The following PCCB variants were observed in gnomAD, a reference collection of about 807,000 sequenced individuals.
PCCB encodes the protein propionyl-CoA carboxylase subunit beta.
A neutral mutation model predicts 60.7 loss-of-function variants in PCCB; 43 were observed. That is an observed-to-expected ratio of 0.71 (90% confidence interval 0.55 to 0.91). The LOEUF (loss-of-function observed/expected upper bound fraction) is 0.91, where lower values mean the gene tolerates loss of function less well. Among genes scored for constraint, PCCB ranks in the 40% least tolerant of loss-of-function variants. The probability of loss-of-function intolerance (pLI) is 0.00; values close to 1 mark genes in which losing one functional copy is unlikely to be tolerated. For synonymous variants in PCCB, 276 were observed against 255.9 expected (o/e 1.08, Z -0.75); for missense variants, 766 against 702.8 (o/e 1.09, Z -1.02).
intron 5 of PCCB, among the ~76,000 whole-genome samples, chr3:136,273,806 T>G (rs2689386): frequency 1.4e-5 from 2 of 145,368 alleles, no homozygotes; most frequent in African/African-American, 2.5e-5. Flanking sequence ...CAGCTACTTG[T>G]GAGGCTGAGG....
At chr3:136,256,520 A>C (rs200842436) in intron 2 of PCCB, 35 bp from the exon 3 acceptor site, 1 of 1,532,226 alleles carries the variant, frequency 6.5e-7, no homozygotes, top group Non-Finnish European at 9.0e-7. Context: ...AAGTATTTGG[A>C]TTTTTTAACC....
chr3:136,283,563 T>G (rs1380060731), intron 5 of PCCB, among the ~76,000 whole-genome samples: 1 of 152,164 alleles, frequency 6.6e-6, no homozygotes, highest in Non-Finnish European at 1.5e-5. Flanking sequence ...CTGTACCTCA[T>G]GCCCTTAGTG....
In PCCB at chr3:136,298,069, C is replaced by G. The variant is rs763424489; in HGVS notation, c.881C>G (p.Pro294Arg). ...DPAPVRECHDPSDRLVPELDT... is the reference protein window; with the variant it reads ...DPAPVRECHDRSDRLVPELDT... ...GCTCCCGTCCGTGAGTGCCACGATC[C>G]CAGGTGGGTTGTAGGCCGGTGCACC... is the stretch of plus-strand genomic sequence containing the variant. The change falls in exon 8 of 15, where the codon CCC becomes CGC. Residue 294 changes from proline (P) to arginine (R), a missense_variant. Pro to Arg is a moderately radical substitution (Grantham distance 103). Transcript: ENST00000251654. 6.2e-7 allele frequency: 1 copy of G among 1,614,072 alleles called. No individual in the cohort carries two copies. Among genetic ancestry groups the G allele is most frequent in the South Asian group, 1.1e-5 (1 of 91,084 alleles).
In PCCB at chr3:136,273,583, TTTTTTTC is replaced by T. The variant is rs1251870577; in HGVS notation, c.544-10240_544-10234del. ...TAATGACCTTCTTTTTCTTTCTTTT[TTTTTTTC>T]TTTTTTCTTTTTTTTTTTTTTTTTT... is the stretch of plus-strand genomic sequence containing the variant. On this transcript the variant is annotated intron_variant, in intron 5 of 14. Coordinates refer to ENST00000251654, the MANE Select transcript of PCCB (RefSeq NM_000532.5). 1.0e-3 allele frequency among the ~76,000 whole-genome samples: 140 copies of T among 137,820 alleles called. 2 individuals are homozygous for T. Among genetic ancestry groups the T allele is most frequent in the Admixed American group, 7.7e-3 (102 of 13,260 alleles). The allele number at this position is 137,820 out of a possible 152,430, so 90.4% of individuals were successfully genotyped here. A position where few individuals can be genotyped will look rare whatever the true frequency, so the allele number is the denominator to read the frequency against.
chr3:136,272,450 A>G (rs1942226811), intron 5 of PCCB, among the ~76,000 whole-genome samples: 1 of 152,050 alleles, frequency 6.6e-6, no homozygotes, highest in Non-Finnish European at 1.5e-5. Context: ...TTCTTTGAAT[A>G]TCTAGTGGAA....
chr3:136,254,518 C>CCTTTTTTT (rs1442788791), intron 1 of PCCB, among the ~76,000 whole-genome samples: 1 of 45,928 alleles, frequency 2.2e-5, no homozygotes. Context: ...CTGCGGCTAG[C>CCTTTTTTT]TTTTTTTTTT....
intron 1 of PCCB, among the ~76,000 whole-genome samples, chr3:136,253,302 G>T (rs1941573571): frequency 6.6e-6 from 1 of 151,820 alleles, no homozygotes; most frequent in Admixed American, 6.6e-5. Context: ...TGTTAGCCAG[G>T]ATGGTCTCGA....
At chr3:136,290,673 T>TTTTTTTTTTTG (rs1933641500) in intron 6 of PCCB, among the ~76,000 whole-genome samples, 1 of 135,540 alleles carries the variant, frequency 7.4e-6, no homozygotes, top group East Asian at 2.2e-4. Flanking sequence ...TCTGTGTAGT[T>TTTTTTTTTTTG]TTTTTTTTTT....
At chr3:136,326,194 A>G (rs1383243413) in intron 10 of PCCB, 7 of 597,974 alleles carry the variant, frequency 1.2e-5, no homozygotes, top group Non-Finnish European at 2.1e-5. Flanking sequence ...TTTGGTCTGT[A>G]TTCTTTTCTG....
At chr3:136,299,159 T>C (rs1423087134) in intron 8 of PCCB, among the ~76,000 whole-genome samples, 1 of 152,078 alleles carries the variant, frequency 6.6e-6, no homozygotes, top group East Asian at 1.9e-4. Context: ...GGCCCAGCTA[T>C]ACCTCTTCTG....
chr3:136,300,080 A>ATATC (rs1257678253), intron 8 of PCCB, among the ~76,000 whole-genome samples: 1 of 146,716 alleles, frequency 6.8e-6, no homozygotes, highest in Admixed American at 6.6e-5. Flanking sequence ...ATATATGCAT[A>ATATC]TACGCATATC....
chr3:136,315,032 T>G (rs1934830295), intron 9 of PCCB, among the ~76,000 whole-genome samples: 1 of 152,116 alleles, frequency 6.6e-6, no homozygotes, highest in African/African-American at 2.4e-5. Flanking sequence ...CAAATAGAAG[T>G]CATGCTTTAC....
At chr3:136,261,445 G>C (rs1214577105) in intron 4 of PCCB, among the ~76,000 whole-genome samples, 2 of 152,168 alleles carry the variant, frequency 1.3e-5, no homozygotes, top group Non-Finnish European at 2.9e-5. Context: ...TTTTTAAACT[G>C]TCAAGGACTG....
chr3:136,313,048 T>C (rs926513102), intron 9 of PCCB, among the ~76,000 whole-genome samples: 2 of 152,180 alleles, frequency 1.3e-5, no homozygotes, highest in Non-Finnish European at 2.9e-5. Flanking sequence ...CTGAGTATTT[T>C]CTCATATGTT....
intron 9 of PCCB, among the ~76,000 whole-genome samples, chr3:136,307,562 TACAA>T (rs1022346556): frequency 5.9e-5 from 9 of 151,516 alleles, no homozygotes; most frequent in African/African-American, 9.7e-5. Flanking sequence ...GACTAAAAAA[TACAA>T]ACATTCTTTA....
At chr3:136,304,491 C>G (rs554682885) in intron 9 of PCCB, among the ~76,000 whole-genome samples, 1 of 118,230 alleles carries the variant, frequency 8.5e-6, no homozygotes, top group Non-Finnish European at 1.9e-5. Flanking sequence ...ACGCCATTCT[C>G]CTGCCTCAGC....
chr3:136,330,143 C>CT lies in PCCB; in HGVS notation c.*118dup, dbSNP rs369191419. The CT allele has an allele frequency of 5.7e-5, 90 of 1,567,518 alleles. 1 individual carries two copies. The African/African-American group carries it at 1.1e-3, about 19-fold the overall frequency. On this transcript the variant is annotated 3_prime_UTR_variant, in exon 15 of 15. Coordinates refer to ENST00000251654, the MANE Select transcript of PCCB (RefSeq NM_000532.5). The stretch of plus-strand genomic sequence containing the variant: ...CAAATAGTTGGATAACTTAGAATAA[C>CT]TAAGTTTATTAAATTCTAGAAAGAT...
At chr3:136,278,992 G>A (rs1396649970) in intron 5 of PCCB, among the ~76,000 whole-genome samples, 1 of 152,124 alleles carries the variant, frequency 6.6e-6, no homozygotes, top group Non-Finnish European at 1.5e-5. Context: ...TTGGGGCTCT[G>A]TTAGGTGTGT....
chr3:136,252,518 A>C, intron 1 of PCCB: 1 of 331,354 alleles, frequency 3.0e-6, no homozygotes, highest in Non-Finnish European at 5.9e-6. Context: ...AAGTGCTGGG[A>C]TGACAGAATT....
Sources: allele counts gnomAD v4.1 joint callset (sites outside exome capture counted in the v4.1 genomes callset), GRCh38; gene constraint gnomAD v4.1.1; transcripts MANE v1.5; gene names NCBI Gene and HGNC (gene_info 2026-07-23, HGNC 2026-07-21).